ATP2B2: variants seen among roughly 807,000 people sequenced by gnomAD.
The protein encoded by ATP2B2 is plasma membrane calcium-transporting ATPase 2.
Under a neutral mutation model 120.0 loss-of-function variants are expected in ATP2B2, and 15 were observed. The observed-to-expected ratio is 0.12, with a 90% confidence interval of 0.08 to 0.19. ATP2B2 has a LOEUF of 0.19. Among genes scored for constraint, ATP2B2 ranks in the 10% least tolerant of loss-of-function variants. The probability of loss-of-function intolerance (pLI) is 1.00; values close to 1 mark genes in which losing one functional copy is unlikely to be tolerated. For synonymous variants in ATP2B2, 694 were observed against 700.3 expected (o/e 0.99, Z 0.14); for missense variants, 1,045 against 1,719.8 (o/e 0.61, Z 6.94).
At chr3:10,399,290 T>C (rs772266957) in intron 5 of ATP2B2, among the ~76,000 whole-genome samples, 60 of 152,210 alleles carry the variant, frequency 3.9e-4, no homozygotes, top group Admixed American at 3.3e-4. Context: ...TAAGAGGTCA[T>C]TTGGGGCATT....
At chr3:10,398,429 C>T (rs2124948509) in intron 5 of ATP2B2, among the ~76,000 whole-genome samples, 1 of 152,352 alleles carries the variant, frequency 6.6e-6, no homozygotes, top group African/African-American at 2.4e-5. Flanking sequence ...CCTGTAGTGG[C>T]TTTTTGCAGT....
chr3:10,678,780 A>G (rs1453531443), intron 1 of ATP2B2, among the ~76,000 whole-genome samples: 1 of 152,210 alleles, frequency 6.6e-6, no homozygotes, highest in Non-Finnish European at 1.5e-5. Context: ...TAGAATTCTA[A>G]ATCATCCCCC....
chr3:10,504,365 C>G (rs952925493), intron 1 of ATP2B2, among the ~76,000 whole-genome samples: 3 of 152,210 alleles, frequency 2.0e-5, no homozygotes, highest in Non-Finnish European at 4.4e-5. Context: ...CCCAGCGATT[C>G]GGAGAGCAAT....
In ATP2B2 at chr3:10,659,501, C is replaced by T. The variant is rs369381007; in HGVS notation, c.-459-39540G>A. On this transcript the variant is annotated intron_variant, in intron 1 of 21. Transcript: ENST00000646379. Reference sequence around the variant, plus strand: ...CTAAGATCAAAAGAGACAAAGAAGGCCATTACATAATGGTAAAGGGATCAA... The same window carrying T: ...CTAAGATCAAAAGAGACAAAGAAGGTCATTACATAATGGTAAAGGGATCAA... Among the ~76,000 whole-genome samples the T allele has an allele frequency of 1.8e-4, 27 of 152,178 alleles. No homozygotes were observed. The East Asian group carries it at 3.7e-3, about 21-fold the overall frequency.
At chr3:10,500,070 G>T (rs887992828) in intron 1 of ATP2B2, among the ~76,000 whole-genome samples, 2 of 151,730 alleles carry the variant, frequency 1.3e-5, no homozygotes, top group Admixed American at 1.3e-4. Context: ...TGAGTAGCTG[G>T]ATTACAGGCA....
chr3:10,585,866 G>C (rs192716020), intron 2 of ATP2B2, among the ~76,000 whole-genome samples: 1 of 151,918 alleles, frequency 6.6e-6, no homozygotes, highest in Non-Finnish European at 1.5e-5. Flanking sequence ...ATTTGCTTTC[G>C]TGTTCCCTCT....
At chr3:10,613,487 G>A (rs1028210392) in intron 2 of ATP2B2, among the ~76,000 whole-genome samples, 7 of 152,004 alleles carry the variant, frequency 4.6e-5, no homozygotes, top group African/African-American at 1.7e-4. Flanking sequence ...TTTAACTTGT[G>A]GGGTCTGCAT....
intron 1 of ATP2B2, among the ~76,000 whole-genome samples, chr3:10,667,545 C>T (rs932397122): frequency 7.9e-5 from 12 of 152,236 alleles, no homozygotes; most frequent in East Asian, 3.8e-4. Flanking sequence ...TGAAGTGCCA[C>T]GCCATCAGAA....
intron 1 of ATP2B2, among the ~76,000 whole-genome samples, chr3:10,498,426 G>A (rs1403968159): frequency 1.3e-5 from 2 of 152,252 alleles, no homozygotes; most frequent in East Asian, 1.9e-4. Flanking sequence ...TGCTCCGGAT[G>A]AGCCTGGGGG....
At position 10,643,399 on chromosome 3, in the gene ATP2B2, C is replaced by A. The variant is rs573277243; in HGVS notation, c.-459-23438G>T. ...TCAAGCAAGAATAATCAATGAAGGC[C>A]AAGCCTAGGGGAAACTTTGTGGAGA... is the stretch of plus-strand genomic sequence containing the variant. On this transcript the variant is annotated intron_variant, in intron 1 of 21. Coordinates refer to the ATP2B2 transcript ENST00000646379. 2.0e-4 allele frequency among the ~76,000 whole-genome samples: 30 copies of A among 152,274 alleles called. 1 individual carries two copies. In the South Asian group the frequency reaches 6.0e-3, roughly 31 times the overall value.
At chr3:10,566,121 T>G (rs1419149431) in intron 2 of ATP2B2, 1 of 152,388 alleles carries the variant, frequency 6.6e-6, no homozygotes, top group Non-Finnish European at 1.5e-5. Context: ...AACTCTCTTA[T>G]TCATCCATCC....
chr3:10,455,832 CCTTT>C (rs1402592437), intron 1 of ATP2B2, among the ~76,000 whole-genome samples: 2 of 152,208 alleles, frequency 1.3e-5, no homozygotes, highest in Non-Finnish European at 2.9e-5. Flanking sequence ...TGAGCAAGCC[CCTTT>C]CTTCTCTGGG....
At chr3:10,535,703 C>T (rs1160188185) in intron 2 of ATP2B2, among the ~76,000 whole-genome samples, 5 of 152,006 alleles carry the variant, frequency 3.3e-5, no homozygotes, top group Admixed American at 6.6e-5. Context: ...AACAAGAGTT[C>T]GCTCCTTTTT....
intron 1 of ATP2B2, among the ~76,000 whole-genome samples, chr3:10,641,820 G>A (rs1320529876): frequency 6.6e-6 from 1 of 152,062 alleles, no homozygotes; most frequent in Non-Finnish European, 1.5e-5. Flanking sequence ...ACTGTGTCTG[G>A]TTGACTCATC....
intron 2 of ATP2B2, among the ~76,000 whole-genome samples, chr3:10,534,521 C>G (rs769448013): frequency 6.6e-6 from 1 of 152,236 alleles, no homozygotes; most frequent in African/African-American, 2.4e-5. Flanking sequence ...CTGGTAAACA[C>G]TTTACATAAA....
intron 1 of ATP2B2, among the ~76,000 whole-genome samples, chr3:10,644,933 T>C (rs2070283217): frequency 6.6e-6 from 1 of 152,258 alleles, no homozygotes; most frequent in Non-Finnish European, 1.5e-5. Flanking sequence ...TCATATCATA[T>C]CAAAATGTTA....
intron 17 of ATP2B2, 104 bp downstream of exon 17, chr3:10,345,927 G>T: frequency 8.4e-7 from 1 of 1,187,216 alleles, no homozygotes. Context: ...GCAGATGGCG[G>T]GTGGGCCAAG....
chr3:10,587,609 A>T (rs1289232808), intron 2 of ATP2B2, among the ~76,000 whole-genome samples: 1 of 152,060 alleles, frequency 6.6e-6, no homozygotes, highest in Non-Finnish European at 1.5e-5. Context: ...CGAACACTTG[A>T]CCTCAAGTGA....
intron 2 of ATP2B2, among the ~76,000 whole-genome samples, chr3:10,543,858 C>T (rs1169915898): frequency 6.6e-6 from 1 of 151,962 alleles, no homozygotes; most frequent in African/African-American, 2.4e-5. Context: ...CCTGCCTCAG[C>T]CTCCTGGGTA....
Sources: allele counts gnomAD v4.1 joint callset (sites outside exome capture counted in the v4.1 genomes callset), GRCh38; gene constraint gnomAD v4.1.1; transcripts MANE v1.5; gene names NCBI Gene and HGNC (gene_info 2026-07-23, HGNC 2026-07-21).